Variants in FRMPD4 observed in about 807,000 individuals in gnomAD.
FRMPD4 encodes FERM and PDZ domain containing 4.
Under a neutral mutation model 94.1 loss-of-function variants are expected in FRMPD4, and 22 were observed. The ratio of observed to expected loss-of-function variants is 0.23; its 90% CI spans 0.17 to 0.33. The LOEUF (loss-of-function observed/expected upper bound fraction) is 0.33. Among genes scored for constraint, FRMPD4 ranks in the 10% least tolerant of loss-of-function variants. The pLI is 1.00. For synonymous variants in FRMPD4, 631 were observed against 548.6 expected (o/e 1.15, Z -2.10); for missense variants, 1,111 against 1,339.9 (o/e 0.83, Z 2.67).
At chrX:12,369,245 T>G (rs1033391111) in intron 1 of FRMPD4, among the ~76,000 whole-genome samples, 2 of 110,946 alleles carry the variant, frequency 1.8e-5, no homozygotes, top group Non-Finnish European at 3.8e-5. Context: ...CTCAGTTTTT[T>G]TTTTTTCATT....
At chrX:11,883,973 G>A in intron 3 of FRMPD4, among the ~76,000 whole-genome samples, 1 of 111,849 alleles carries the variant, frequency 8.9e-6, no homozygotes, top group East Asian at 2.8e-4. Flanking sequence ...AATTCCAGCT[G>A]TTCTGATAAC....
In FRMPD4 at chrX:12,538,244, C is replaced by A. The variant is rs189165170; in HGVS notation, c.158+39448C>A. On this transcript the variant is annotated intron_variant, in intron 2 of 16. Coordinates refer to ENST00000675598, the MANE Select transcript of FRMPD4 (RefSeq NM_001368397.1). ...CTTCACTCATTGCTAGCACAGCAGT[C>A]TGAGATTGAACTGAAAGGCAGCAGC... Among the ~76,000 whole-genome samples the A allele has an allele frequency of 3.2e-3, 358 of 111,219 alleles. 2 individuals carry two copies. Among genetic ancestry groups the A allele is most frequent in the African/African-American group, 0.011 (348 of 30,641 alleles).
intron 2 of FRMPD4, among the ~76,000 whole-genome samples, chrX:12,512,678 A>T (rs1413056506): frequency 1.8e-5 from 2 of 112,528 alleles, no homozygotes; most frequent in Non-Finnish European, 3.8e-5. Context: ...TGCTGCAGTG[A>T]ACATATGTGT....
At position 12,721,363 on chromosome X, in the gene FRMPD4, C is replaced by T. The variant is rs371017598; in HGVS notation, c.4794C>T (p.Ser1598=). The T allele has an allele frequency of 4.7e-4, 358 of 753,925 alleles. 2 individuals carry two copies. Among genetic ancestry groups the T allele is most frequent in the African/African-American group, 4.7e-3 (203 of 43,132 alleles). The allele number at this position is 753,925 out of a possible 1,213,427, so 62.1% of individuals were successfully genotyped here. The change falls in exon 17 of 17, where the codon AGC becomes AGT. Residue 1598 remains serine, a synonymous_variant. Transcript: ENST00000675598. ...CAAGAATAAATGCCCTAAAGGAGAG[C>T]ACATATGCAATGCCTGATGGGTTCC... ...RIARINALKE[S]TYAMPDGFLA...
intron 1 of FRMPD4, among the ~76,000 whole-genome samples, chrX:12,497,474 T>TA (rs200256322): frequency 0.24 from 23,316 of 95,998 alleles, 2,463 homozygotes; most frequent in Middle Eastern, 0.3. Flanking sequence ...AGCAGCACAT[T>TA]AAAAAAAAAA....
At chrX:12,130,071 T>G (rs2055535532) in intron 3 of FRMPD4, among the ~76,000 whole-genome samples, 1 of 104,507 alleles carries the variant, frequency 9.6e-6, no homozygotes, top group Non-Finnish European at 1.9e-5. Context: ...CTTGGTTATC[T>G]TTGGCTTAAA....
At chrX:12,002,193 T>C (rs1171220937) in intron 3 of FRMPD4, among the ~76,000 whole-genome samples, 1 of 111,907 alleles carries the variant, frequency 8.9e-6, no homozygotes, top group Non-Finnish European at 1.9e-5. Flanking sequence ...TAAGGATGCA[T>C]TTTAATTAAC....
At chrX:11,846,007 A>G (rs2053574380) in intron 1 of FRMPD4, among the ~76,000 whole-genome samples, 2 of 102,755 alleles carry the variant, frequency 1.9e-5, no homozygotes, top group Admixed American at 1.1e-4. Flanking sequence ...CCTATTCAAC[A>G]TAGTGTTGGA....
chrX:12,212,340 G>A (rs972103712), intron 1 of FRMPD4, among the ~76,000 whole-genome samples: 3 of 110,051 alleles, frequency 2.7e-5, no homozygotes, highest in African/African-American at 9.9e-5. Context: ...CTTTTAGGTG[G>A]GCACATTTCC....
intron 3 of FRMPD4, among the ~76,000 whole-genome samples, chrX:11,998,896 TAAAC>T (rs2054510182): frequency 8.9e-6 from 1 of 112,181 alleles, no homozygotes; most frequent in Non-Finnish European, 1.9e-5. Flanking sequence ...CACAGTCACT[TAAAC>T]AAACTAGTTG....
chrX:12,368,827 C>T (rs1478033572), intron 1 of FRMPD4, among the ~76,000 whole-genome samples: 3 of 111,333 alleles, frequency 2.7e-5, no homozygotes, highest in Admixed American at 9.5e-5. Flanking sequence ...TGCAGTGAGC[C>T]GAAGTTGCAC....
chrX:12,237,162 T>C (rs1569201922), intron 1 of FRMPD4, among the ~76,000 whole-genome samples: 4 of 112,583 alleles, frequency 3.6e-5, no homozygotes, highest in African/African-American at 1.3e-4. Flanking sequence ...TGGGTTTAAT[T>C]GAATAAAAAA....
At chrX:12,362,714 T>C (rs2056012915) in intron 1 of FRMPD4, among the ~76,000 whole-genome samples, 1 of 111,915 alleles carries the variant, frequency 8.9e-6, no homozygotes, top group Non-Finnish European at 1.9e-5. Context: ...CCTTTGGGTA[T>C]ATACCCAGTA....
chrX:12,686,258 G>T (rs778136706), intron 7 of FRMPD4, 54 bp downstream of exon 7: 2 of 567,475 alleles, frequency 3.5e-6, no homozygotes, highest in African/African-American at 4.6e-5. Flanking sequence ...CAACATGCAG[G>T]ACACTGTGAG....
chrX:12,481,490 G>T (rs922644280), intron 1 of FRMPD4, among the ~76,000 whole-genome samples: 1 of 111,088 alleles, frequency 9.0e-6, no homozygotes, highest in African/African-American at 3.3e-5. Context: ...GGGGTTAGGG[G>T]TGCTGACTTT....
chrX:11,878,831 T>A (rs1319931155), intron 3 of FRMPD4, among the ~76,000 whole-genome samples: 1 of 112,034 alleles, frequency 8.9e-6, no homozygotes, highest in Non-Finnish European at 1.9e-5. Context: ...TTAGATGATA[T>A]TCTTTCAGTA....
intron 2 of FRMPD4, among the ~76,000 whole-genome samples, chrX:12,595,300 G>A (rs184207531): frequency 8.1e-5 from 9 of 111,722 alleles, no homozygotes; most frequent in Non-Finnish European, 1.5e-4. Context: ...TTTTCCCCAC[G>A]GCTTGTGTGG....
At chrX:12,124,153 C>T (rs1349794513) in intron 3 of FRMPD4, among the ~76,000 whole-genome samples, 2 of 111,881 alleles carry the variant, frequency 1.8e-5, no homozygotes, top group Non-Finnish European at 3.8e-5. Flanking sequence ...ACTTATCTTT[C>T]AGTGCTCACA....
chrX:11,902,112 A>G (rs1177497058), intron 3 of FRMPD4, among the ~76,000 whole-genome samples: 1 of 112,475 alleles, frequency 8.9e-6, no homozygotes, highest in Non-Finnish European at 1.9e-5. Context: ...ACAGTTTTCT[A>G]TAGGTCAGTT....
Sources: allele counts gnomAD v4.1 joint callset (sites outside exome capture counted in the v4.1 genomes callset), GRCh38; gene constraint gnomAD v4.1.1; transcripts MANE v1.5; gene names NCBI Gene and HGNC (gene_info 2026-07-23, HGNC 2026-07-21).